CFAP221: variants seen among roughly 807,000 people sequenced by gnomAD.
CFAP221 encodes the protein cilia- and flagella-associated protein 221.
A neutral mutation model predicts 113.1 loss-of-function variants in CFAP221; 97 were observed. That is an observed-to-expected ratio of 0.86 (90% CI 0.73 to 1.02). CFAP221 has a LOEUF of 1.02. CFAP221 is among the 50% of genes least tolerant of loss of function. The pLI, the probability that CFAP221 is intolerant of heterozygous loss-of-function variation, is 0.00. For missense variants in CFAP221, 1,025 were observed against 1,013.4 expected (o/e 1.01, Z -0.16); for synonymous variants, 331 against 354.4 (o/e 0.93, Z 0.74).
intron 7 of CFAP221, among the ~76,000 whole-genome samples, chr2:119,597,802 G>C (rs1171280405): frequency 6.6e-6 from 1 of 152,154 alleles, no homozygotes; most frequent in Non-Finnish European, 1.5e-5. Context: ...ATGAAGGAGT[G>C]ACCCCCAATC....
chr2:119,587,237 G>A lies in CFAP221; in HGVS notation c.631+15G>A. The A allele has an allele frequency of 6.9e-7, 1 of 1,456,906 alleles. No homozygotes were observed. The highest frequency in any genetic ancestry group is 9.1e-7 in the Non-Finnish European group (1 of 1,095,858). The allele number at this position is 1,456,906 out of a possible 1,614,324, so 90.2% of individuals were successfully genotyped here. On this transcript the variant is annotated intron_variant, in intron 7 of 23. Coordinates refer to ENST00000413369, the MANE Select transcript of CFAP221 (RefSeq NM_001271049.2). Reference sequence around the variant, plus strand: ...GCCAACATCAGGTAAGGAGTGTCAAGATTTCAAGTTCTAAAAACAAGAATA... The same window carrying A: ...GCCAACATCAGGTAAGGAGTGTCAAAATTTCAAGTTCTAAAAACAAGAATA...
chr2:119,597,665 C>T (rs1428212298), intron 7 of CFAP221, among the ~76,000 whole-genome samples: 3 of 152,106 alleles, frequency 2.0e-5, no homozygotes, highest in East Asian at 3.9e-4. Context: ...TACCGAAAAA[C>T]GAAAGCGTAC....
Position 119,656,539 on chromosome 2 carries a change from C to A in CFAP221, c.*69C>A. 1.0e-6 allele frequency: 1 copy of A among 998,950 alleles called. No individual in the cohort carries two copies. 61.9% of individuals were successfully genotyped at this position (998,950 alleles called of 1,614,324 possible). On this transcript the variant is annotated 3_prime_UTR_variant, in exon 24 of 24. Transcript: ENST00000413369. ...CACTGTGGCCCCTTGCGTCCATTTACATGCCAGCCATCTCTGCAATTAAAG... is the reference window on the plus strand; with the variant it reads ...CACTGTGGCCCCTTGCGTCCATTTAAATGCCAGCCATCTCTGCAATTAAAG...
chr2:119,547,615 G>C (rs183533944), intron 2 of CFAP221, among the ~76,000 whole-genome samples: 1 of 152,060 alleles, frequency 6.6e-6, no homozygotes, highest in Non-Finnish European at 1.5e-5. Context: ...TTAAAATTAC[G>C]GAATATGGTA....
chr2:119,650,157 AT>A (rs1345155953), intron 22 of CFAP221, among the ~76,000 whole-genome samples: 1 of 152,096 alleles, frequency 6.6e-6, no homozygotes, highest in African/African-American at 2.4e-5. Flanking sequence ...TACGGTTTCT[AT>A]TTTTTCTTTT....
chr2:119,583,919 A>G (rs1683024620), intron 6 of CFAP221, among the ~76,000 whole-genome samples: 2 of 152,172 alleles, frequency 1.3e-5, no homozygotes, highest in African/African-American at 4.8e-5. Context: ...TTGATCTTGG[A>G]CTTCCCAGCC....
intron 23 of CFAP221, 90 bp from the exon 24 acceptor site, chr2:119,656,272 C>T: frequency 1.0e-6 from 1 of 976,518 alleles, no homozygotes; most frequent in Non-Finnish European, 1.6e-6. Flanking sequence ...AAATGCTCCT[C>T]CGACCTTCAC....
In CFAP221 at chr2:119,587,156, G is replaced by A. The variant is rs954657483; in HGVS notation, c.565G>A (p.Val189Ile). 9.1e-6 allele frequency: 14 copies of A among 1,532,242 alleles called. No individual in the cohort carries two copies. In the African/African-American group the frequency reaches 1.9e-4, roughly 21 times the overall value. The allele number at this position is 1,532,242 out of a possible 1,614,324, so 94.9% of individuals were successfully genotyped here. A position where few individuals can be genotyped will look rare whatever the true frequency, so the allele number is the denominator to read the frequency against. The change falls in exon 7 of 24, where the codon GTA (valine) becomes ATA (isoleucine). Residue 189 changes from valine (V) to isoleucine (I), a missense_variant. Val to Ile is a conservative substitution (Grantham distance 29). Coordinates refer to ENST00000413369, the MANE Select transcript of CFAP221 (RefSeq NM_001271049.2). ...YVIPLQCSCPVDFEFYITLIQ... is the reference protein window; with the variant it reads ...YVIPLQCSCPIDFEFYITLIQ... ...TATTCCTTTGCAGTGCAGCTGCCCT[G>A]TAGATTTTGAGTTTTATATCACCTT...
In CFAP221 at chr2:119,579,805, G is replaced by A. The variant is rs575576691; in HGVS notation, c.528-7314G>A. Among the ~76,000 whole-genome samples the A allele has an allele frequency of 1.8e-4, 27 of 152,332 alleles. No individual in the cohort carries two copies. The South Asian group carries it at 5.6e-3, about 32-fold the overall frequency. ...GTAACAAATGGGAAAAGCTCCAGGA[G>A]TTTTTGTTTGTTTCAATTCAGGAAA... On this transcript the variant is annotated intron_variant, in intron 6 of 23. Transcript: ENST00000413369.
chr2:119,617,229 C>T (rs552755035), intron 14 of CFAP221, among the ~76,000 whole-genome samples: 1 of 152,328 alleles, frequency 6.6e-6, no homozygotes, highest in Admixed American at 6.5e-5. Flanking sequence ...GAGATCACTG[C>T]CTTGGGGACC....
chr2:119,545,561 C>T (rs1300181448), intron 1 of CFAP221, among the ~76,000 whole-genome samples: 3 of 152,174 alleles, frequency 2.0e-5, no homozygotes, highest in Admixed American at 6.5e-5. Flanking sequence ...TCCTCATCAC[C>T]CCCTCCTCAT....
chr2:119,602,929 C>T lies in CFAP221; in HGVS notation c.791+1552C>T, dbSNP rs867580478. 7.2e-5 allele frequency among the ~76,000 whole-genome samples: 11 copies of T among 152,212 alleles called. No individual in the cohort carries two copies. The East Asian group carries it at 9.6e-4, about 13-fold the overall frequency. On this transcript the variant is annotated intron_variant, in intron 8 of 23. Coordinates refer to ENST00000413369, the MANE Select transcript of CFAP221 (RefSeq NM_001271049.2). ...GAAGCACCATACAAATGCAGGTGTA[C>T]GCTATTTCTAAATTATTATGTTAGT...
At chr2:119,582,658 A>G (rs1682931443) in intron 6 of CFAP221, among the ~76,000 whole-genome samples, 1 of 151,868 alleles carries the variant, frequency 6.6e-6, no homozygotes, top group South Asian at 2.1e-4. Flanking sequence ...GTTTTGTTAC[A>G]TTGCCCAGGC....
chr2:119,627,708 C>T lies in CFAP221; in HGVS notation c.1572C>T (p.Ser524=). 6.2e-7 allele frequency: 1 copy of T among 1,613,800 alleles called. No homozygotes were observed. The highest frequency in any genetic ancestry group is 1.1e-5 in the South Asian group (1 of 91,008). Residue 524 remains serine, a synonymous_variant, in exon 16 of 24, where the codon AGC becomes AGT. Transcript: ENST00000413369. The stretch of plus-strand genomic sequence containing the variant: ...GGATCAGTCAGGATGATTATACCAG[C>T]CGGTTCTCTGTGTCGCCCAAGGAGG... ...LRRISQDDYT[S]RFSVSPKEVL...
intron 21 of CFAP221, among the ~76,000 whole-genome samples, chr2:119,643,362 C>G (rs116280793): frequency 0.028 from 4,207 of 152,210 alleles, 72 homozygotes; most frequent in Non-Finnish European, 0.041. Context: ...TCAGTAAATT[C>G]AGAGATAACT....
Position 119,652,086 on chromosome 2 carries a change from A to G in CFAP221, c.2414+17A>G. ...GAAGGAGAAGTAAGTGGATGCTTTT[A>G]TGCCTTATTAAAAGGTAATCTTGGA... On this transcript the variant is annotated intron_variant, in intron 23 of 23. Transcript: ENST00000413369. The G allele has an allele frequency of 2.5e-6, 4 of 1,578,574 alleles. No homozygotes were observed. The highest frequency in any genetic ancestry group is 3.5e-6 in the Non-Finnish European group (4 of 1,149,848).
chr2:119,650,817 A>T (rs952476120), intron 22 of CFAP221, among the ~76,000 whole-genome samples: 1 of 152,244 alleles, frequency 6.6e-6, no homozygotes, highest in Non-Finnish European at 1.5e-5. Context: ...TGAGGCTAGA[A>T]CAACTTTTGC....
chr2:119,604,565 G>T (rs145022792), intron 8 of CFAP221, 107 bp from the exon 9 acceptor site: 5 of 1,037,780 alleles, frequency 4.8e-6, no homozygotes, highest in Non-Finnish European at 6.5e-6. Context: ...TTCAGTTTAG[G>T]TATAATAAGG....
At chr2:119,634,316 A>C (rs1393882659) in intron 19 of CFAP221, among the ~76,000 whole-genome samples, 3 of 151,948 alleles carry the variant, frequency 2.0e-5, no homozygotes, top group Non-Finnish European at 2.9e-5. Context: ...TTCTACAAAA[A>C]ATTAGTCAGG....
Sources: gnomAD v4.1 joint callset for allele counts (sites outside exome capture counted in the v4.1 genomes callset) on GRCh38, gnomAD v4.1.1 for gene constraint, MANE v1.5 for transcripts, NCBI Gene and HGNC (gene_info 2026-07-23, HGNC 2026-07-21) for gene names.